Variants in PTGER3 observed in about 807,000 individuals in gnomAD.
PTGER3 encodes prostaglandin E2 receptor EP3 subtype.
In PTGER3, 22 loss-of-function variants were observed where a neutral mutation model predicts 34.7. That is an observed-to-expected ratio of 0.63 (90% CI 0.45 to 0.91). The LOEUF is 0.91. PTGER3 is among the 40% of genes least tolerant of loss of function. The probability of loss-of-function intolerance (pLI) is 0.00; values close to 1 mark genes in which losing one functional copy is unlikely to be tolerated. For missense variants in PTGER3, 468 were observed against 519.4 expected (o/e 0.90, Z 0.96); for synonymous variants, 241 against 230.1 (o/e 1.05, Z -0.43).
Position 71,047,154 on chromosome 1 carries a change from G to A in PTGER3, c.424C>T (p.Leu142Phe). 6.2e-7 allele frequency: 1 copy of A among 1,600,934 alleles called. No homozygotes were observed. The highest frequency in any genetic ancestry group is 8.5e-7 in the Non-Finnish European group (1 of 1,173,996). ...FFGLTMTVFG[L>F]SSLFIASAMA... ...GCGCTGGCGATGAACAACGAGGAGAGCCCGAAAACAGTCATGGTCAGCCCG... is the reference window on the plus strand; with the variant it reads ...GCGCTGGCGATGAACAACGAGGAGAACCCGAAAACAGTCATGGTCAGCCCG... Residue 142 changes from leucine (L) to phenylalanine (F), a missense_variant, in exon 1 of 4, where the codon CTC (leucine) becomes TTC (phenylalanine). Leu to Phe is a conservative substitution (Grantham distance 22, BLOSUM62 0). Coordinates refer to ENST00000306666, the MANE Select transcript of PTGER3 (RefSeq NM_198719.2).
intron 2 of PTGER3, among the ~76,000 whole-genome samples, chr1:70,987,756 C>T (rs909310666): frequency 6.6e-6 from 1 of 152,080 alleles, no homozygotes; most frequent in African/African-American, 2.4e-5. Context: ...TGTGACACTG[C>T]CATAAGAATA....
chr1:70,958,796 GT>G (rs1651622920), intron 2 of PTGER3, among the ~76,000 whole-genome samples: 1 of 152,094 alleles, frequency 6.6e-6, no homozygotes, highest in Admixed American at 6.5e-5. Context: ...TGCTGTAGTA[GT>G]TTCATAGTTT....
At chr1:70,966,355 T>G (rs1348872352), downstream of PTGER3, among the ~76,000 whole-genome samples, 1 of 152,146 alleles carries the variant, frequency 6.6e-6, no homozygotes, top group Admixed American at 6.5e-5. Context: ...AACTTACTCA[T>G]GTAACCAAAT....
At chr1:70,973,462 TTCTC>T (rs1459116247) in intron 3 of PTGER3, among the ~76,000 whole-genome samples, 3 of 152,048 alleles carry the variant, frequency 2.0e-5, no homozygotes, top group African/African-American at 7.3e-5. Flanking sequence ...ACAGGAAAAA[TTCTC>T]TCAGTTCCCT....
At chr1:70,999,127 T>C (rs1311961001) in intron 2 of PTGER3, among the ~76,000 whole-genome samples, 1 of 152,122 alleles carries the variant, frequency 6.6e-6, no homozygotes, top group Non-Finnish European at 1.5e-5. Flanking sequence ...CTGAGAACTG[T>C]TGACTATTGT....
At chr1:70,871,858 C>A (rs1646169866) in intron 4 of PTGER3, among the ~76,000 whole-genome samples, 1 of 152,058 alleles carries the variant, frequency 6.6e-6, no homozygotes, top group African/African-American at 2.4e-5. Flanking sequence ...TAGGGTCATT[C>A]AATTTTCAAG....
chr1:71,021,173 A>T (rs574579276), intron 1 of PTGER3, among the ~76,000 whole-genome samples: 1 of 152,302 alleles, frequency 6.6e-6, no homozygotes, highest in Non-Finnish European at 1.5e-5. Flanking sequence ...TCAAATTTGC[A>T]CTTTAAAAAT....
chr1:70,909,899 GA>G (rs1647027398), intron 4 of PTGER3, among the ~76,000 whole-genome samples: 1 of 152,194 alleles, frequency 6.6e-6, no homozygotes, highest in South Asian at 2.1e-4. Context: ...GAACTGATTT[GA>G]AATGCTTACT....
chr1:71,026,381 T>C (rs888116216), intron 1 of PTGER3, among the ~76,000 whole-genome samples: 2 of 152,190 alleles, frequency 1.3e-5, no homozygotes, highest in Non-Finnish European at 2.9e-5. Flanking sequence ...GCGATATTTA[T>C]ATTACTCATT....
intron 4 of PTGER3, among the ~76,000 whole-genome samples, chr1:70,904,812 A>G (rs1306572334): frequency 6.6e-6 from 1 of 152,220 alleles, no homozygotes; most frequent in African/African-American, 2.4e-5. Context: ...TTTTCTGAGG[A>G]GAAATTCAAG....
chr1:70,976,967 A>T (rs908344772), intron 2 of PTGER3, among the ~76,000 whole-genome samples: 1 of 152,156 alleles, frequency 6.6e-6, no homozygotes, highest in Non-Finnish European at 1.5e-5. Flanking sequence ...AGTATATAAG[A>T]TATCCAATCT....
At chr1:70,951,116 T>C (rs986949799), downstream of PTGER3, 5 of 152,220 alleles carry the variant, frequency 3.3e-5, no homozygotes, top group Non-Finnish European at 5.9e-5. Context: ...TAACTATCGA[T>C]TGCATGCTTA....
chr1:71,035,761 A>T (rs1659767345), intron 1 of PTGER3, among the ~76,000 whole-genome samples: 1 of 152,206 alleles, frequency 6.6e-6, no homozygotes, highest in Admixed American at 6.5e-5. Flanking sequence ...CCTTGCAGGC[A>T]ATCTCTTTTT....
At chr1:70,896,973 C>T (rs1646734019) in intron 4 of PTGER3, among the ~76,000 whole-genome samples, 1 of 152,150 alleles carries the variant, frequency 6.6e-6, no homozygotes. Flanking sequence ...ACTCTAGGCA[C>T]TCCTTGTATA....
chr1:70,891,405 A>G (rs1646614548), intron 4 of PTGER3, among the ~76,000 whole-genome samples: 1 of 152,258 alleles, frequency 6.6e-6, no homozygotes, highest in Non-Finnish European at 1.5e-5. Flanking sequence ...TTAATGAAGC[A>G]GCTAGAAACA....
intron 4 of PTGER3, among the ~76,000 whole-genome samples, chr1:70,902,019 T>C (rs963512634): frequency 2.6e-5 from 4 of 152,022 alleles, no homozygotes; most frequent in Non-Finnish European, 4.4e-5. Context: ...TAAGATGATA[T>C]CCGAAATATC....
intron 2 of PTGER3, among the ~76,000 whole-genome samples, chr1:70,988,963 G>C (rs1030286791): frequency 6.6e-6 from 1 of 152,124 alleles, no homozygotes; most frequent in Non-Finnish European, 1.5e-5. Context: ...GAGTTAACAT[G>C]AGGAGGCTGG....
rs202177071 is a variant in PTGER3 at position 70,952,989 on chromosome 1, C to T, written c.1175G>A (p.Arg392His). 328 of 1,612,874 alleles carry T rather than the reference C, an allele frequency of 2.0e-4. 1 individual carries two copies. The highest frequency in any genetic ancestry group is 2.8e-4 in the African/African-American group (21 of 74,832). The stretch of plus-strand genomic sequence containing the variant: ...CTCCATTTCTTCTCTGTTCAGCACA[C>T]GATAGGTTTGTACTTGCCCACAATG... Residue 392 changes from arginine to histidine, a missense_variant, in exon 4 of 4, where the codon CGT becomes CAT. Arg to His is a conservative substitution (Grantham distance 29). Coordinates refer to the PTGER3 transcript ENST00000356595.
chr1:71,037,432 A>T (rs545939597), intron 1 of PTGER3, among the ~76,000 whole-genome samples: 31 of 152,330 alleles, frequency 2.0e-4, no homozygotes, highest in African/African-American at 7.2e-4. Context: ...TTATAGCTAA[A>T]TGAATCCGTG....
Sources: gnomAD v4.1 joint callset for allele counts (sites outside exome capture counted in the v4.1 genomes callset) on GRCh38, gnomAD v4.1.1 for gene constraint, MANE v1.5 for transcripts, NCBI Gene and HGNC (gene_info 2026-07-23, HGNC 2026-07-21) for gene names.